The following FBXL17 variants were observed in gnomAD, a reference collection of about 807,000 sequenced individuals.
FBXL17 encodes F-box and leucine rich repeat protein 17, also known as F-box/LRR-repeat protein 17.
FBXL17 carries 22 observed loss-of-function variants against 66.2 expected under a neutral mutation model. The ratio of observed to expected loss-of-function variants is 0.33; its 90% CI spans 0.24 to 0.47. The LOEUF (loss-of-function observed/expected upper bound fraction) is 0.47, where lower values mean the gene tolerates loss of function less well. Among genes scored for constraint, FBXL17 ranks in the 20% least tolerant of loss-of-function variants. The probability of loss-of-function intolerance (pLI) is 1.00; values close to 1 mark genes in which losing one functional copy is unlikely to be tolerated. For missense variants in FBXL17, 878 were observed against 948.2 expected (o/e 0.93, Z 0.97); for synonymous variants, 474 against 400.5 (o/e 1.18, Z -2.19).
chr5:108,277,471 T>C (rs977631681), intron 4 of FBXL17, among the ~76,000 whole-genome samples: 3 of 151,998 alleles, frequency 2.0e-5, no homozygotes, highest in African/African-American at 7.3e-5. Flanking sequence ...AAGGAAAATA[T>C]AGAACCAAGA....
chr5:108,084,244 G>A (rs548207429), intron 6 of FBXL17, among the ~76,000 whole-genome samples: 43 of 152,342 alleles, frequency 2.8e-4, no homozygotes, highest in African/African-American at 1.0e-3. Flanking sequence ...TCATTAGTCA[G>A]AGGATCTTGG....
intron 7 of FBXL17, among the ~76,000 whole-genome samples, chr5:107,949,116 A>G (rs1230337249): frequency 6.6e-6 from 1 of 151,432 alleles, no homozygotes; most frequent in Non-Finnish European, 1.5e-5. Flanking sequence ...GATCTTAAGG[A>G]TTTTAGGTGA....
chr5:108,020,714 T>C (rs528125983), intron 7 of FBXL17: 21 of 436,024 alleles, frequency 4.8e-5, no homozygotes, highest in East Asian at 2.2e-4. Flanking sequence ...GTGTGTGTGA[T>C]TGCATGTGGC....
At chr5:108,110,412 G>A (rs2149952237) in intron 6 of FBXL17, among the ~76,000 whole-genome samples, 1 of 122,940 alleles carries the variant, frequency 8.1e-6, no homozygotes, top group South Asian at 3.9e-4. Flanking sequence ...GTACATCACA[G>A]CTATGTCATA....
chr5:108,262,656 T>A (rs77944884), intron 4 of FBXL17, among the ~76,000 whole-genome samples: 1 of 151,982 alleles, frequency 6.6e-6, no homozygotes, highest in Non-Finnish European at 1.5e-5. Context: ...GATTCCAAAA[T>A]GAGACAATAT....
At chr5:108,229,094 A>G (rs1166915608) in intron 4 of FBXL17, among the ~76,000 whole-genome samples, 1 of 152,182 alleles carries the variant, frequency 6.6e-6, no homozygotes, top group East Asian at 1.9e-4. Context: ...TGCTTTTAGC[A>G]GTATGGTCAT....
chr5:108,236,982 T>C (rs1317349228), intron 4 of FBXL17, among the ~76,000 whole-genome samples: 5 of 152,120 alleles, frequency 3.3e-5, no homozygotes, highest in Non-Finnish European at 7.4e-5. Flanking sequence ...GTGGAATAGT[T>C]TGGTTGTCTG....
At chr5:108,293,938 G>A (rs1453974015) in intron 4 of FBXL17, among the ~76,000 whole-genome samples, 1 of 149,526 alleles carries the variant, frequency 6.7e-6, no homozygotes, top group African/African-American at 2.5e-5. Context: ...CTACTTGGGA[G>A]GCTGAAGCAC....
chr5:108,317,682 A>G (rs960523490), intron 4 of FBXL17, among the ~76,000 whole-genome samples: 1 of 151,442 alleles, frequency 6.6e-6, no homozygotes, highest in Admixed American at 6.6e-5. Context: ...CAAATTCATG[A>G]AAAAGTTATA....
intron 6 of FBXL17, among the ~76,000 whole-genome samples, chr5:108,068,442 AT>A (rs1163895917): frequency 4.4e-5 from 3 of 68,844 alleles, no homozygotes; most frequent in African/African-American, 1.7e-4. Flanking sequence ...TTCTTTTCTT[AT>A]TTTTTTTCTT....
chr5:108,224,705 C>T (rs1033639430), intron 4 of FBXL17, among the ~76,000 whole-genome samples: 1 of 152,142 alleles, frequency 6.6e-6, no homozygotes, highest in East Asian at 1.9e-4. Flanking sequence ...GATTCTCCTG[C>T]CTCAGCCTCC....
chr5:107,978,780 T>C (rs995064332), intron 7 of FBXL17, among the ~76,000 whole-genome samples: 1 of 152,194 alleles, frequency 6.6e-6, no homozygotes. Context: ...GGCTGAATAT[T>C]TGAGATTTAA....
chr5:107,936,677 C>A (rs576382131), intron 7 of FBXL17, among the ~76,000 whole-genome samples: 2 of 152,230 alleles, frequency 1.3e-5, no homozygotes, highest in East Asian at 3.9e-4. Context: ...GTACAGTGAT[C>A]TGCTTGTGGA....
chr5:108,378,833 C>T (rs1464417285), intron 1 of FBXL17, among the ~76,000 whole-genome samples: 1 of 152,196 alleles, frequency 6.6e-6, no homozygotes, highest in Non-Finnish European at 1.5e-5. Context: ...TCCAGAGTCG[C>T]TGCACCCAAA....
intron 8 of FBXL17, among the ~76,000 whole-genome samples, chr5:107,874,486 C>A (rs1441444345): frequency 6.6e-6 from 1 of 152,168 alleles, no homozygotes; most frequent in Non-Finnish European, 1.5e-5. Context: ...TCATTATCAT[C>A]CCCATTTTTC....
chr5:108,228,752 C>T (rs1197910010), intron 4 of FBXL17, among the ~76,000 whole-genome samples: 2 of 152,256 alleles, frequency 1.3e-5, no homozygotes, highest in South Asian at 2.1e-4. Context: ...TCCTGGTTAT[C>T]ACAAGAGATC....
chr5:108,047,824 G>T (rs1247806518), intron 6 of FBXL17, among the ~76,000 whole-genome samples: 3 of 152,302 alleles, frequency 2.0e-5, no homozygotes, highest in African/African-American at 7.2e-5. Flanking sequence ...AGGAGGGGTG[G>T]CCACTGTCTC....
chr5:108,064,909 A>AT (rs1748059572), intron 6 of FBXL17, among the ~76,000 whole-genome samples: 1 of 152,128 alleles, frequency 6.6e-6, no homozygotes. Context: ...CATCTGGGCC[A>AT]CTGCTTTTTA....
intron 6 of FBXL17, among the ~76,000 whole-genome samples, chr5:108,117,269 C>T (rs1312814514): frequency 2.0e-5 from 3 of 152,104 alleles, no homozygotes; most frequent in African/African-American, 7.2e-5. Context: ...ATTGAGAGTG[C>T]TTGGGAAAAT....
Sources: allele counts gnomAD v4.1 joint callset (sites outside exome capture counted in the v4.1 genomes callset), GRCh38; gene constraint gnomAD v4.1.1; transcripts MANE v1.5; gene names NCBI Gene and HGNC (gene_info 2026-07-23, HGNC 2026-07-21).